ODR4: variants seen among roughly 807,000 people sequenced by gnomAD.
ODR4 encodes protein odr-4 homolog.
ODR4 carries 47 observed loss-of-function variants against 60.2 expected under a neutral mutation model. That is an observed-to-expected ratio of 0.78 (90% confidence interval 0.62 to 1.00). The LOEUF (loss-of-function observed/expected upper bound fraction) is 1.00. Ranked by LOEUF, ODR4 falls within the 50% of genes least tolerant of loss-of-function variation. The pLI is 0.00. For missense variants in ODR4, 488 were observed against 530.8 expected (o/e 0.92, Z 0.79); for synonymous variants, 178 against 175.5 (o/e 1.01, Z -0.11).
intron 3 of ODR4, among the ~76,000 whole-genome samples, chr1:186,383,675 G>GTATATATATATATATATATATATA (rs1435664889): frequency 4.4e-5 from 5 of 114,796 alleles, no homozygotes; most frequent in African/African-American, 1.3e-4. Flanking sequence ...TTCTGTGTAT[G>GTATATATATATATATATATATATA]TAGATATATA....
At chr1:186,376,920 A>C (rs76991105) in intron 1 of ODR4, among the ~76,000 whole-genome samples, 17,837 of 152,252 alleles carry the variant, frequency 0.12, 1,288 homozygotes, top group Non-Finnish European at 0.16. Context: ...TGTGTCAGTC[A>C]CAGTGCTTGG....
downstream of ODR4, among the ~76,000 whole-genome samples, chr1:186,424,226 C>A (rs923438631): frequency 6.6e-6 from 1 of 152,146 alleles, no homozygotes; most frequent in Non-Finnish European, 1.5e-5. Flanking sequence ...GACCTACATA[C>A]AACAACCCAG....
chr1:186,429,571 C>T, the ODR4 span, among the ~76,000 whole-genome samples: 1 of 152,156 alleles, frequency 6.6e-6, no homozygotes, highest in African/African-American at 2.4e-5. Flanking sequence ...CTGTCTTTTA[C>T]TACAGTGCCT....
chr1:186,427,645 T>C, the ODR4 span, among the ~76,000 whole-genome samples: 3 of 152,236 alleles, frequency 2.0e-5, no homozygotes, highest in African/African-American at 7.2e-5. Context: ...CAAATGTTCT[T>C]AATGACATGT....
chr1:186,390,942 C>T (rs1230306597), intron 7 of ODR4, 91 bp downstream of exon 7: 1 of 1,255,154 alleles, frequency 8.0e-7, no homozygotes, highest in East Asian at 2.6e-5. Context: ...TTACAATCCT[C>T]AAAAATTACA....
chr1:186,386,014 T>C lies in ODR4; in HGVS notation c.261T>C (p.Leu87=). ...CQVSRMLPGG[L]LVLGVFIITT... ...TATCCAGAATGCTACCAGGGGGACT[T>C]TTAGTTCTTGGAGTATTTATTATTA... The change falls in exon 4 of 14, where the codon CTT becomes CTC. Residue 87 remains leucine (L), a synonymous_variant. Transcript: ENST00000287859. 1 of 1,603,810 alleles carries C rather than the reference T, an allele frequency of 6.2e-7. No individual in the cohort carries two copies. The highest frequency in any genetic ancestry group is 1.1e-5 in the South Asian group (1 of 89,760).
At position 186,406,161 on chromosome 1, in the gene ODR4, A is replaced by G. The variant is rs544360308; in HGVS notation, c.1079A>G (p.Tyr360Cys). 2 of 1,612,936 alleles carry G rather than the reference A, an allele frequency of 1.2e-6. No homozygotes were observed. Among genetic ancestry groups the G allele is most frequent in the East Asian group, 4.5e-5 (2 of 44,774 alleles). ...GGATCCACTGTAATGTTGTGTGATTATAAATTTGACGATGAGTCAGCTGAA... is the reference window on the plus strand; with the variant it reads ...GGATCCACTGTAATGTTGTGTGATTGTAAATTTGACGATGAGTCAGCTGAA... ...LPGSTVMLCD[Y>C]KFDDESAEEI... The change falls in exon 12 of 14, where the codon TAT (tyrosine) becomes TGT (cysteine). Residue 360 changes from tyrosine (Y) to cysteine (C), a missense_variant. Physicochemically the swap from Tyr to Cys is radical, Grantham distance 194. Coordinates refer to ENST00000287859, the MANE Select transcript of ODR4 (RefSeq NM_017847.6).
chr1:186,428,994 A>G, the ODR4 span, among the ~76,000 whole-genome samples: 2 of 152,186 alleles, frequency 1.3e-5, no homozygotes, highest in African/African-American at 4.8e-5. Flanking sequence ...CTATAATCCG[A>G]GCACTTTGGC....
intron 9 of ODR4, among the ~76,000 whole-genome samples, chr1:186,394,785 G>A (rs187593022): frequency 1.6e-4 from 24 of 152,236 alleles, no homozygotes; most frequent in Non-Finnish European, 3.2e-4. Context: ...TAGCAATAGC[G>A]CATTAGTAAA....
At chr1:186,416,010 A>G (rs1400483835) in intron 12 of ODR4, among the ~76,000 whole-genome samples, 1 of 152,210 alleles carries the variant, frequency 6.6e-6, no homozygotes, top group African/African-American at 2.4e-5. Flanking sequence ...ATCCAGAGTC[A>G]GCAAACTTTT....
At chr1:186,400,210 T>C (rs1660880092) in intron 11 of ODR4, among the ~76,000 whole-genome samples, 1 of 151,446 alleles carries the variant, frequency 6.6e-6, no homozygotes, top group Non-Finnish European at 1.5e-5. Context: ...CAGGATGGTC[T>C]CGATCTCCTG....
downstream of ODR4, among the ~76,000 whole-genome samples, chr1:186,424,718 A>G (rs1468018133): frequency 6.6e-6 from 1 of 151,986 alleles, no homozygotes; most frequent in Admixed American, 6.6e-5. Flanking sequence ...AATGGTGGCT[A>G]TCAGCTGGGA....
chr1:186,399,661 G>A (rs1277900773), intron 11 of ODR4, among the ~76,000 whole-genome samples: 1 of 151,854 alleles, frequency 6.6e-6, no homozygotes, highest in Admixed American at 6.6e-5. Flanking sequence ...ATTTTTTGTT[G>A]ATATCTATGA....
chr1:186,407,504 T>C (rs1447945638), intron 12 of ODR4, among the ~76,000 whole-genome samples: 3 of 152,138 alleles, frequency 2.0e-5, no homozygotes, highest in Non-Finnish European at 1.5e-5. Flanking sequence ...ATAGATCTTA[T>C]AATGTTGGTA....
At chr1:186,398,750 TTAAC>T (rs937327089) in intron 10 of ODR4, among the ~76,000 whole-genome samples, 200 bp from the exon 11 acceptor site, 5 of 152,234 alleles carry the variant, frequency 3.3e-5, no homozygotes, top group African/African-American at 1.2e-4. Flanking sequence ...TTATCTGTTT[TTAAC>T]TATTTAGATA....
chr1:186,418,819 A>G (rs1661684393), intron 13 of ODR4, among the ~76,000 whole-genome samples, 190 bp from the exon 14 acceptor site: 1 of 152,206 alleles, frequency 6.6e-6, no homozygotes, highest in South Asian at 2.1e-4. Context: ...TAGTTTTTCA[A>G]CTAATTGCTG....
chr1:186,411,381 G>A (rs2102083335), intron 12 of ODR4, among the ~76,000 whole-genome samples: 1 of 152,286 alleles, frequency 6.6e-6, no homozygotes, highest in East Asian at 1.9e-4. Context: ...GTAATATACA[G>A]TGTATGATCC....
chr1:186,399,929 G>A (rs1396640112), intron 11 of ODR4, among the ~76,000 whole-genome samples: 1 of 144,488 alleles, frequency 6.9e-6, no homozygotes, highest in Non-Finnish European at 1.5e-5. Flanking sequence ...TCAAAAGCAA[G>A]TTAAAATATT....
chr1:186,393,971 C>T lies in ODR4; in HGVS notation c.736C>T (p.Gln246Ter), dbSNP rs1292231132. ...GAAAAAATCTTCTAGAGGAAATACT[C>T]AAGCAACTAGTCATTCTTTTGATGT... Reference protein sequence around the residue: ...GQKKSSRGNTQATSHSFDVRV... With the variant: ...GQKKSSRGNT Residue 246 changes from glutamine (Q) to a stop codon, truncating the protein, a stop_gained, in exon 9 of 14, where the codon CAA becomes TAA. Coordinates refer to ENST00000287859, the MANE Select transcript of ODR4 (RefSeq NM_017847.6). LOFTEE classifies it high-confidence loss of function. The T allele has an allele frequency of 1.3e-6, 2 of 1,523,556 alleles. No individual in the cohort carries two copies. Among genetic ancestry groups the T allele is most frequent in the Admixed American group, 2.0e-5 (1 of 49,076 alleles). The allele number at this position is 1,523,556 out of a possible 1,614,324, so 94.4% of individuals were successfully genotyped here.
Sources: allele counts gnomAD v4.1 joint callset (sites outside exome capture counted in the v4.1 genomes callset), GRCh38; gene constraint gnomAD v4.1.1; transcripts MANE v1.5; gene names NCBI Gene and HGNC (gene_info 2026-07-23, HGNC 2026-07-21).